CYP7B1: variants seen among roughly 807,000 people sequenced by gnomAD.
CYP7B1 encodes the protein cytochrome P450 family 7 subfamily B member 1, also known as cytochrome P450 7B1.
In CYP7B1, 29 loss-of-function variants were observed where a neutral mutation model predicts 42.7. That is an observed-to-expected ratio of 0.68 (90% CI 0.51 to 0.93). CYP7B1 has a LOEUF of 0.93. Ranked by LOEUF, CYP7B1 falls within the 40% of genes least tolerant of loss-of-function variation. The pLI is 0.00. For synonymous variants in CYP7B1, 235 were observed against 218.2 expected (o/e 1.08, Z -0.68); for missense variants, 655 against 600.5 (o/e 1.09, Z -0.95).
intron 1 of CYP7B1, among the ~76,000 whole-genome samples, chr8:64,764,512 T>C (rs903387964): frequency 6.6e-6 from 1 of 152,110 alleles, no homozygotes; most frequent in African/African-American, 2.4e-5. Context: ...TTAAAACCTA[T>C]AATTGATAAT....
chr8:64,760,568 A>G (rs1807874312), intron 1 of CYP7B1, among the ~76,000 whole-genome samples: 1 of 152,130 alleles, frequency 6.6e-6, no homozygotes, highest in Admixed American at 6.5e-5. Flanking sequence ...TATATCAAGG[A>G]CACAAAAATG....
chr8:64,765,018 G>T (rs193036458), intron 1 of CYP7B1, among the ~76,000 whole-genome samples: 88 of 152,008 alleles, frequency 5.8e-4, no homozygotes, highest in African/African-American at 2.0e-3. Flanking sequence ...TAATTGATAG[G>T]GAAACTCTTG....
Position 64,606,348 on chromosome 8 carries a change from G to A in CYP7B1, c.1058-1491C>T, listed in dbSNP as rs80280349. On this transcript the variant is annotated intron_variant, in intron 4 of 5. Coordinates refer to ENST00000310193, the MANE Select transcript of CYP7B1 (RefSeq NM_004820.5). ...ATTTCTGTGGTGAAAAGCAAGGCTC[G>A]GCCTCCCATGTACTGCTGCCGGCTC... Among the ~76,000 whole-genome samples the A allele has an allele frequency of 3.2e-3, 484 of 152,324 alleles. 6 individuals are homozygous for A. The highest frequency in any genetic ancestry group is 0.026 in the Admixed American group (400 of 15,304).
chr8:64,733,613 G>A (rs773268427), intron 1 of CYP7B1, among the ~76,000 whole-genome samples: 10 of 152,114 alleles, frequency 6.6e-5, no homozygotes, highest in Non-Finnish European at 1.2e-4. Flanking sequence ...TGTGAAGGCT[G>A]ACACAGGCTT....
chr8:64,651,032 G>A (rs1425080301), intron 1 of CYP7B1, among the ~76,000 whole-genome samples: 2 of 152,196 alleles, frequency 1.3e-5, no homozygotes, highest in Non-Finnish European at 2.9e-5. Flanking sequence ...GTGTGTTTGA[G>A]GTGGGGGAAG....
At chr8:64,647,866 A>C (rs1805977596) in intron 1 of CYP7B1, among the ~76,000 whole-genome samples, 1 of 152,176 alleles carries the variant, frequency 6.6e-6, no homozygotes, top group East Asian at 1.9e-4. Flanking sequence ...AATAATATTT[A>C]ATCTGGGTAG....
chr8:64,619,008 T>C (rs1159746669), intron 2 of CYP7B1, among the ~76,000 whole-genome samples: 4 of 152,202 alleles, frequency 2.6e-5, no homozygotes, highest in African/African-American at 7.2e-5. Context: ...TTCCGGATTT[T>C]ACTTTTCATG....
At chr8:64,763,357 A>C (rs566548680) in intron 1 of CYP7B1, among the ~76,000 whole-genome samples, 1 of 152,326 alleles carries the variant, frequency 6.6e-6, no homozygotes, top group Non-Finnish European at 1.5e-5. Context: ...CTTGGAATCC[A>C]TGAGGCCAAG....
Position 64,596,501 on chromosome 8 carries a change from T to A in CYP7B1, c.*141A>T. 2.4e-6 allele frequency: 2 copies of A among 844,518 alleles called. No individual in the cohort carries two copies. The highest frequency in any genetic ancestry group is 3.6e-6 in the Non-Finnish European group (2 of 557,288). The allele number at this position is 844,518 out of a possible 1,614,324, so 52.3% of individuals were successfully genotyped here. The stretch of plus-strand genomic sequence containing the variant: ...ATGGGCTTTGTGACTAAGGACAAAC[T>A]GGACTGATATCAGATCAAATAGAAA... On this transcript the variant is annotated 3_prime_UTR_variant, in exon 6 of 6. Transcript: ENST00000310193.
chr8:64,741,720 A>G (rs1046928772), intron 1 of CYP7B1, among the ~76,000 whole-genome samples: 2 of 152,232 alleles, frequency 1.3e-5, no homozygotes, highest in East Asian at 3.8e-4. Context: ...GTAAAATTGG[A>G]GTTTGAATTG....
chr8:64,778,551 C>T (rs149466208), intron 1 of CYP7B1, among the ~76,000 whole-genome samples: 1,812 of 152,102 alleles, frequency 0.012, 18 homozygotes, highest in Non-Finnish European at 0.019. Context: ...GTAACTGCAG[C>T]GATGACACAT....
intron 1 of CYP7B1, among the ~76,000 whole-genome samples, chr8:64,788,066 C>T (rs1006754746): frequency 6.6e-6 from 1 of 152,168 alleles, no homozygotes; most frequent in African/African-American, 2.4e-5. Context: ...ATTATGGGAA[C>T]TACAATTCAA....
intron 1 of CYP7B1, among the ~76,000 whole-genome samples, chr8:64,735,323 A>G (rs1358603369): frequency 6.6e-6 from 1 of 152,228 alleles, no homozygotes; most frequent in African/African-American, 2.4e-5. Context: ...TCAAAAACAG[A>G]GTAGAAGTTA....
At chr8:64,604,900 G>A in intron 4 of CYP7B1, 43 bp from the exon 5 acceptor site, 1 of 1,596,296 alleles carries the variant, frequency 6.3e-7, no homozygotes, top group Non-Finnish European at 8.5e-7. Flanking sequence ...GATAGGGCTG[G>A]TCCTGAAAAC....
intron 1 of CYP7B1, among the ~76,000 whole-genome samples, chr8:64,698,722 C>G (rs1397354657): frequency 6.6e-6 from 1 of 152,102 alleles, no homozygotes; most frequent in Non-Finnish European, 1.5e-5. Context: ...TGAAAGTTCC[C>G]TTAAGTTGAA....
At chr8:64,796,251 G>A (rs1234157285) in intron 1 of CYP7B1, among the ~76,000 whole-genome samples, 5 of 152,156 alleles carry the variant, frequency 3.3e-5, no homozygotes, top group Non-Finnish European at 7.4e-5. Context: ...AAAAATAATT[G>A]CAGCTGGTAT....
intron 1 of CYP7B1, among the ~76,000 whole-genome samples, chr8:64,725,628 G>T (rs2129632963): frequency 6.6e-6 from 1 of 152,334 alleles, no homozygotes; most frequent in Non-Finnish European, 1.5e-5. Flanking sequence ...ACACATAACT[G>T]CAAGGCTTGG....
Position 64,625,074 on chromosome 8 carries a change from C to T in CYP7B1, c.123-535G>A, listed in dbSNP as rs1393154506. ...CTGCAAGCTGCGCCTCCCGGGTTCA[C>T]GCCATTCTCCCGCCTCAGCCTCCCA... On this transcript the variant is annotated intron_variant, in intron 1 of 5. Coordinates refer to ENST00000310193, the MANE Select transcript of CYP7B1 (RefSeq NM_004820.5). Among the ~76,000 whole-genome samples, 7 of 149,444 alleles carry T rather than the reference C, an allele frequency of 4.7e-5. No homozygotes were observed. In the South Asian group the frequency reaches 1.1e-3, roughly 23 times the overall value.
intron 1 of CYP7B1, among the ~76,000 whole-genome samples, chr8:64,631,871 A>G (rs978924129): frequency 1.4e-5 from 2 of 147,168 alleles, no homozygotes; most frequent in Middle Eastern, 3.2e-3. Flanking sequence ...ATGAGATAGC[A>G]CCTCATACCT....
Sources: allele counts gnomAD v4.1 joint callset (sites outside exome capture counted in the v4.1 genomes callset), GRCh38; gene constraint gnomAD v4.1.1; transcripts MANE v1.5; gene names NCBI Gene and HGNC (gene_info 2026-07-23, HGNC 2026-07-21).